The following ALS2 variants were observed in gnomAD, a reference collection of about 807,000 sequenced individuals.
ALS2 encodes the protein alsin.
Under a neutral mutation model 203.4 loss-of-function variants are expected in ALS2, and 117 were observed. The observed-to-expected ratio is 0.58, with a 90% CI of 0.50 to 0.67. ALS2 has a LOEUF of 0.67. Among genes scored for constraint, ALS2 ranks in the 30% least tolerant of loss-of-function variants. ALS2 has a pLI of 0.00. For missense variants in ALS2, 1,715 were observed against 1,989.4 expected (o/e 0.86, Z 2.62); for synonymous variants, 718 against 725.9 (o/e 0.99, Z 0.17).
chr2:201,759,651 T>C (rs1693638781), intron 4 of ALS2: 2 of 984,960 alleles, frequency 2.0e-6, no homozygotes, highest in African/African-American at 3.5e-5. Flanking sequence ...AAACAGCTTA[T>C]CCTTGATTTT....
intron 29 of ALS2, 102 bp downstream of exon 29, chr2:201,706,744 A>C: frequency 8.4e-7 from 1 of 1,195,248 alleles, no homozygotes. Flanking sequence ...AAATAATTAC[A>C]AGCCATATAT....
chr2:201,708,036 G>C (rs768037268), intron 27 of ALS2, 45 bp from the exon 28 acceptor site: 1 of 1,579,806 alleles, frequency 6.3e-7, no homozygotes, highest in Non-Finnish European at 8.7e-7. Context: ...TACCTCTAGG[G>C]GGGTTGAAAA....
chr2:201,756,840 G>A (rs1016125392), intron 5 of ALS2, among the ~76,000 whole-genome samples: 14 of 152,186 alleles, frequency 9.2e-5, no homozygotes, highest in Admixed American at 2.6e-4. Flanking sequence ...GAGAGTCTGC[G>A]TTTGTAACAA....
chr2:201,746,868 G>A, intron 8 of ALS2, 120 bp from the exon 9 acceptor site: 3 of 1,115,814 alleles, frequency 2.7e-6, no homozygotes, highest in East Asian at 2.4e-5. Context: ...TCATATCTGA[G>A]AGCAAACTTA....
chr2:201,754,111 C>G (rs1311750779), intron 6 of ALS2, among the ~76,000 whole-genome samples: 1 of 151,502 alleles, frequency 6.6e-6, no homozygotes, highest in Non-Finnish European at 1.5e-5. Context: ...TTCCCAGATT[C>G]AAGCGATTCT....
chr2:201,759,461 A>C (rs1693624878), intron 4 of ALS2: 2 of 933,058 alleles, frequency 2.1e-6, no homozygotes. Context: ...ATTTAATTTA[A>C]ATAAATTAAA....
At chr2:201,772,524 A>C (rs752433966) in intron 1 of ALS2, among the ~76,000 whole-genome samples, 1 of 152,240 alleles carries the variant, frequency 6.6e-6, no homozygotes, top group African/African-American at 2.4e-5. Flanking sequence ...ATATTCATAC[A>C]TCGTGTTGTA....
At chr2:201,705,668 C>A (rs1389610329) in intron 29 of ALS2, among the ~76,000 whole-genome samples, 6 of 152,230 alleles carry the variant, frequency 3.9e-5, no homozygotes, top group African/African-American at 1.4e-4. Context: ...TCCCAATAAC[C>A]TACACGTTAC....
At chr2:201,777,724 A>G (rs1559097166) in intron 1 of ALS2, among the ~76,000 whole-genome samples, 1 of 152,160 alleles carries the variant, frequency 6.6e-6, no homozygotes, top group Non-Finnish European at 1.5e-5. Flanking sequence ...ACTTTTATGT[A>G]CTTTCATTAG....
chr2:201,706,816 T>C, intron 29 of ALS2, 30 bp downstream of exon 29: 1 of 1,612,932 alleles, frequency 6.2e-7, no homozygotes, highest in Non-Finnish European at 8.5e-7. Context: ...ATTAAAACCA[T>C]TTGGTTGCGC....
rs755994384 is a variant in ALS2 at position 201,704,540 on chromosome 2, C to CTT, written c.4751_4752insAA (p.Ser1585ArgfsTer34). On this transcript the variant is annotated frameshift_variant, in exon 32 of 34. Coordinates refer to ENST00000264276, the MANE Select transcript of ALS2 (RefSeq NM_020919.4). LOFTEE classifies it high-confidence loss of function. The stretch of plus-strand genomic sequence containing the variant: ...CTTCGTGGAGTGACGCCAGGACACT[C>CTT]TGAGAGATCTCCTCAAAAGTCTGCT... The CTT allele has an allele frequency of 1.9e-6, 3 of 1,614,152 alleles. No homozygotes were observed. The highest frequency in any genetic ancestry group is 2.5e-6 in the Non-Finnish European group (3 of 1,180,008).
chr2:201,746,350 T>C (rs1361548645), intron 9 of ALS2, among the ~76,000 whole-genome samples: 3 of 152,090 alleles, frequency 2.0e-5, no homozygotes, highest in Non-Finnish European at 4.4e-5. Flanking sequence ...GGACAGACAA[T>C]AGACAAAGTG....
chr2:201,706,498 A>G (rs1395843138), intron 29 of ALS2, among the ~76,000 whole-genome samples: 4 of 148,622 alleles, frequency 2.7e-5, no homozygotes, highest in Non-Finnish European at 5.9e-5. Context: ...ATTCTGCTCT[A>G]AAGAGCTATA....
chr2:201,707,122 A>T (rs1689767425), intron 28 of ALS2, 100 bp from the exon 29 acceptor site: 11 of 1,119,162 alleles, frequency 9.8e-6, no homozygotes, highest in Non-Finnish European at 1.3e-5. Flanking sequence ...AAAAGTAGAG[A>T]TGGGAAGTTT....
chr2:201,704,113 T>G lies in ALS2; in HGVS notation c.4935+9A>C. The G allele has an allele frequency of 6.3e-7, 1 of 1,592,346 alleles. No individual in the cohort carries two copies. The highest frequency in any genetic ancestry group is 1.3e-5 in the African/African-American group (1 of 74,600). ...AGATAAGAAAGTATTAAATAATAAC[T>G]ATACTCACCTTCAAGGTGGTGAACA... On this transcript the variant is annotated intron_variant, in intron 33 of 33. Transcript: ENST00000264276.
At chr2:201,703,106 ACT>A (rs1689490222) in intron 33 of ALS2, among the ~76,000 whole-genome samples, 1 of 152,030 alleles carries the variant, frequency 6.6e-6, no homozygotes, top group Non-Finnish European at 1.5e-5. Flanking sequence ...ACAGAGTGAG[ACT>A]CTGTCTCAAA....
chr2:201,774,713 A>G (rs967531673), intron 1 of ALS2, among the ~76,000 whole-genome samples: 4 of 152,148 alleles, frequency 2.6e-5, no homozygotes, highest in Non-Finnish European at 4.4e-5. Flanking sequence ...ATAACTTGCA[A>G]ATGCTTAAAT....
chr2:201,762,028 A>T (rs1488417140), intron 3 of ALS2, among the ~76,000 whole-genome samples: 1 of 152,226 alleles, frequency 6.6e-6, no homozygotes, highest in Non-Finnish European at 1.5e-5. Flanking sequence ...ATTCTGCACT[A>T]TAGTGAGAAT....
intron 19 of ALS2, 46 bp from the exon 20 acceptor site, chr2:201,725,500 A>G (rs1406811505): frequency 6.9e-7 from 1 of 1,453,374 alleles, no homozygotes; most frequent in Admixed American, 1.7e-5. Context: ...CATTTATGAC[A>G]TATTCACCTT....
Sources: gnomAD v4.1 joint callset for allele counts (sites outside exome capture counted in the v4.1 genomes callset) on GRCh38, gnomAD v4.1.1 for gene constraint, MANE v1.5 for transcripts, NCBI Gene and HGNC (gene_info 2026-07-23, HGNC 2026-07-21) for gene names.